Variants in ITPR1 observed in about 807,000 individuals in gnomAD.
ITPR1 encodes the protein inositol 1,4,5-trisphosphate-gated calcium channel ITPR1.
ITPR1 carries 96 observed loss-of-function variants against 318.4 expected under a neutral mutation model. That is an observed-to-expected ratio of 0.30 (90% CI 0.26 to 0.36). ITPR1 has a LOEUF of 0.36. ITPR1 is among the 10% of genes least tolerant of loss of function. The pLI is 1.00. For missense variants in ITPR1, 2,440 were observed against 3,460.2 expected (o/e 0.71, Z 7.40); for synonymous variants, 1,312 against 1,289.9 (o/e 1.02, Z -0.37).
intron 12 of ITPR1, among the ~76,000 whole-genome samples, chr3:4,655,911 C>A (rs1270985096): frequency 6.6e-6 from 1 of 152,124 alleles, no homozygotes; most frequent in Non-Finnish European, 1.5e-5. Context: ...ACTGGGAGGA[C>A]CCCACCCCCC....
chr3:4,842,340 G>T (rs573333264), intron 61 of ITPR1, among the ~76,000 whole-genome samples: 92 of 152,344 alleles, frequency 6.0e-4, no homozygotes, highest in African/African-American at 2.1e-3. Context: ...TTAGCTACAT[G>T]GGAATTTTGA....
chr3:4,593,387 C>G (rs545168276), intron 4 of ITPR1, among the ~76,000 whole-genome samples: 16 of 152,306 alleles, frequency 1.1e-4, no homozygotes, highest in African/African-American at 2.9e-4. Flanking sequence ...GCTACTCCTT[C>G]TATTTTCAAG....
At chr3:4,775,199 C>T (rs1042184055) in intron 46 of ITPR1, 43 bp from the exon 47 acceptor site, 1 of 1,372,420 alleles carries the variant, frequency 7.3e-7, no homozygotes, top group African/African-American at 1.4e-5. Context: ...TTCCCTCTTC[C>T]CTCTGCCTTT....
At chr3:4,552,480 T>C (rs2085666137) in intron 4 of ITPR1, among the ~76,000 whole-genome samples, 1 of 152,168 alleles carries the variant, frequency 6.6e-6, no homozygotes, top group Non-Finnish European at 1.5e-5. Context: ...AGGATACAGA[T>C]AACCAGAGGA....
chr3:4,503,010 A>G (rs2081137387), intron 2 of ITPR1, among the ~76,000 whole-genome samples: 1 of 152,010 alleles, frequency 6.6e-6, no homozygotes, highest in South Asian at 2.1e-4. Flanking sequence ...GCTTGAATTC[A>G]GGAGGTGGAG....
intron 4 of ITPR1, among the ~76,000 whole-genome samples, chr3:4,622,579 A>G (rs534402181): frequency 1.2e-4 from 18 of 150,728 alleles, no homozygotes; most frequent in African/African-American, 4.2e-4. Flanking sequence ...GCCCGCCACC[A>G]CGCCCAGCTA....
chr3:4,553,178 C>T (rs911370881), intron 4 of ITPR1, among the ~76,000 whole-genome samples: 12 of 151,972 alleles, frequency 7.9e-5, no homozygotes, highest in African/African-American at 1.9e-4. Flanking sequence ...GAAAAACTTA[C>T]GGAGAAGGCA....
intron 4 of ITPR1, among the ~76,000 whole-genome samples, chr3:4,559,892 A>T: frequency 6.6e-6 from 1 of 152,158 alleles, no homozygotes; most frequent in East Asian, 1.9e-4. Context: ...AGGGCCTCCC[A>T]ATTTGACATG....
intron 4 of ITPR1, among the ~76,000 whole-genome samples, chr3:4,599,898 C>T (rs868457987): frequency 3.0e-4 from 45 of 152,250 alleles, no homozygotes; most frequent in Non-Finnish European, 4.9e-4. Flanking sequence ...TGTATGAAAC[C>T]GTGAAACTCA....
At chr3:4,754,860 G>C (rs141840356) in intron 44 of ITPR1, among the ~76,000 whole-genome samples, 1 of 152,284 alleles carries the variant, frequency 6.6e-6, no homozygotes, top group African/African-American at 2.4e-5. Flanking sequence ...TCGTTGATTT[G>C]ACACTCCACT....
intron 4 of ITPR1, among the ~76,000 whole-genome samples, chr3:4,539,128 A>C (rs112332028): frequency 0.011 from 1,740 of 152,286 alleles, 46 homozygotes; most frequent in African/African-American, 0.04. Flanking sequence ...TTTGACATGC[A>C]GTATTTTTCT....
chr3:4,584,783 T>G (rs2089716902), intron 4 of ITPR1, among the ~76,000 whole-genome samples: 1 of 152,138 alleles, frequency 6.6e-6, no homozygotes, highest in Non-Finnish European at 1.5e-5. Context: ...AGACCCCCGT[T>G]CATCTCCCTT....
chr3:4,663,248 AATC>A (rs769597779), intron 16 of ITPR1, 42 bp downstream of exon 16: 27 of 1,561,242 alleles, frequency 1.7e-5, no homozygotes, highest in Non-Finnish European at 2.3e-5. Context: ...CTTTATGAGA[AATC>A]ATAAAGCATG....
chr3:4,643,840 G>A (rs528443562), intron 7 of ITPR1, among the ~76,000 whole-genome samples: 22 of 151,616 alleles, frequency 1.5e-4, no homozygotes, highest in Non-Finnish European at 3.1e-4. Context: ...TACTTATATA[G>A]GTACCTTAAA....
intron 4 of ITPR1, among the ~76,000 whole-genome samples, chr3:4,546,876 AC>A (rs551203039): frequency 8.5e-4 from 121 of 142,888 alleles, no homozygotes; most frequent in Middle Eastern, 6.9e-3. Context: ...ATAAGATAGG[AC>A]CAGGGGAAGA....
intron 14 of ITPR1, 90 bp from the exon 15 acceptor site, chr3:4,661,992 T>G: frequency 8.9e-7 from 1 of 1,121,896 alleles, no homozygotes; most frequent in Non-Finnish European, 1.3e-6. Context: ...TATCTTGGGA[T>G]CAGCCAGTGT....
At chr3:4,592,850 A>G (rs1282459656) in intron 4 of ITPR1, among the ~76,000 whole-genome samples, 2 of 152,180 alleles carry the variant, frequency 1.3e-5, no homozygotes, top group Non-Finnish European at 2.9e-5. Flanking sequence ...CCTTTGGAGC[A>G]AGGAGATTGA....
chr3:4,588,022 C>G (rs1404716758), intron 4 of ITPR1, among the ~76,000 whole-genome samples: 1 of 152,158 alleles, frequency 6.6e-6, no homozygotes, highest in East Asian at 1.9e-4. Context: ...ATTTTCCCCC[C>G]TCTTGGTATG....
chr3:4,831,644 C>G (rs1246934859), intron 60 of ITPR1, among the ~76,000 whole-genome samples: 1 of 152,146 alleles, frequency 6.6e-6, no homozygotes, highest in Non-Finnish European at 1.5e-5. Context: ...TCCAAAAATC[C>G]ATTAGAAGCC....
Sources: gnomAD v4.1 joint callset for allele counts (sites outside exome capture counted in the v4.1 genomes callset) on GRCh38, gnomAD v4.1.1 for gene constraint, MANE v1.5 for transcripts, NCBI Gene and HGNC (gene_info 2026-07-23, HGNC 2026-07-21) for gene names.